The following BFSP1 variants were observed in gnomAD, a reference collection of about 807,000 sequenced individuals.
BFSP1 encodes filensin.
In BFSP1, 38 loss-of-function variants were observed where a neutral mutation model predicts 43.9. The observed-to-expected ratio is 0.87, with a 90% confidence interval of 0.67 to 1.14. BFSP1 has a LOEUF of 1.14. BFSP1 is among the 50% of genes most tolerant of loss of function. The probability of loss-of-function intolerance (pLI) is 0.00; values close to 1 mark genes in which losing one functional copy is unlikely to be tolerated. For synonymous variants in BFSP1, 352 were observed against 354.8 expected, an observed-to-expected ratio of 0.99 and a Z score of 0.09; for missense variants, 850 against 875.1, an observed-to-expected ratio of 0.97 and a Z score of 0.36.
In BFSP1 at chr20:17,498,801, G is replaced by T. The variant is rs2123457189; in HGVS notation, c.956+19C>A. On this transcript the variant is annotated intron_variant, in intron 6 of 7. Transcript: ENST00000377873. ...TGTGGAAGGAATAAGTGGCCTGGAT[G>T]GGGAGGGCACACGCTCACCTGTTGC... 6.2e-7 allele frequency: 1 copy of T among 1,608,940 alleles called. No homozygotes were observed. Among genetic ancestry groups the T allele is most frequent in the South Asian group, 1.1e-5 (1 of 90,466 alleles).
At chr20:17,503,735 G>A (rs1439564446) in intron 5 of BFSP1, among the ~76,000 whole-genome samples, 1 of 152,146 alleles carries the variant, frequency 6.6e-6, no homozygotes, top group East Asian at 1.9e-4. Context: ...GCACACACGT[G>A]CGTGCACACA....
chr20:17,530,125 GA>G (rs1250705163), intron 1 of BFSP1, among the ~76,000 whole-genome samples: 3 of 152,172 alleles, frequency 2.0e-5, no homozygotes, highest in Admixed American at 2.0e-4. Context: ...GTGGGCCCAA[GA>G]ATCTGTATTT....
upstream of BFSP1, among the ~76,000 whole-genome samples, chr20:17,536,190 G>A (rs2034625908): frequency 6.6e-6 from 1 of 152,214 alleles, no homozygotes; most frequent in Non-Finnish European, 1.5e-5. Context: ...AATTTTAGCA[G>A]TACAAAAATA....
rs577672397 is a variant in BFSP1, at chr20:17,529,090, T to TGTGA, written c.377+1862_377+1863insTCAC. Among the ~76,000 whole-genome samples the TGTGA allele has an allele frequency of 3.7e-3, 567 of 151,610 alleles. 1 individual carries two copies. Among genetic ancestry groups the TGTGA allele is most frequent in the Non-Finnish European group, 6.2e-3 (420 of 67,940 alleles). On this transcript the variant is annotated intron_variant, in intron 1 of 7. Coordinates refer to ENST00000377873, the MANE Select transcript of BFSP1 (RefSeq NM_001195.5). ...GTGTGTGTGTGTGTGTGTGTGTGTGTGAGACAGAGTCTCACTCTGTCACCC... is the reference window on the plus strand; with the variant it reads ...GTGTGTGTGTGTGTGTGTGTGTGTGTGTGAGAGACAGAGTCTCACTCTGTCACCC...
upstream of BFSP1, among the ~76,000 whole-genome samples, chr20:17,534,749 G>A (rs1007163348): frequency 1.3e-5 from 2 of 152,230 alleles, no homozygotes; most frequent in Non-Finnish European, 2.9e-5. Context: ...GCCGAGTGTG[G>A]TGGCTCATGC....
Position 17,514,830 on chromosome 20 carries a change from C to A in BFSP1, c.439-14G>T. The A allele has an allele frequency of 1.2e-6, 2 of 1,611,994 alleles. No homozygotes were observed. The highest frequency in any genetic ancestry group is 1.7e-6 in the Non-Finnish European group (2 of 1,178,892). Reference sequence around the variant, plus strand: ...TTCATCAGCTTCCTGCAATGAGAGCCACATATCCCTGGCCACAGGCACCAT... The same window carrying A: ...TTCATCAGCTTCCTGCAATGAGAGCAACATATCCCTGGCCACAGGCACCAT... On this transcript the variant is annotated splice_polypyrimidine_tract_variant and intron_variant, in intron 2 of 7. Transcript: ENST00000377873.
At chr20:17,555,594 A>G (rs2034977972) in intron 1 of BFSP1, among the ~76,000 whole-genome samples, 1 of 152,224 alleles carries the variant, frequency 6.6e-6, no homozygotes. Flanking sequence ...CAGAGGTTGC[A>G]GTAAGCTGAG....
chr20:17,558,592 A>G lies in BFSP1; in HGVS notation c.2+96T>C. ...AACAAATGTGCAACCCGCTTGCTGT[A>G]CCTTCTACGGGAGTTTCTTTCCTAG... On this transcript the variant is annotated intron_variant, in intron 1 of 7. Coordinates refer to the BFSP1 transcript ENST00000377868. The G allele has an allele frequency of 5.2e-6, 7 of 1,344,460 alleles. No individual in the cohort carries two copies. The South Asian group carries it at 9.3e-5, about 18-fold the overall frequency. The allele number at this position is 1,344,460 out of a possible 1,614,324, so 83.3% of individuals were successfully genotyped here. A position where few individuals can be genotyped will look rare whatever the true frequency, so the allele number is the denominator to read the frequency against.
intron 1 of BFSP1, among the ~76,000 whole-genome samples, chr20:17,530,080 T>C (rs1383864081): frequency 6.6e-6 from 1 of 152,174 alleles, no homozygotes; most frequent in African/African-American, 2.4e-5. Context: ...CTGGGGAGCT[T>C]GTTAAAATGC....
In BFSP1 at chr20:17,510,447, T is replaced by C. The variant is rs147539444; in HGVS notation, c.628-1451A>G. 1.4e-3 allele frequency among the ~76,000 whole-genome samples: 217 copies of C among 152,330 alleles called. 1 individual carries two copies. Among genetic ancestry groups the C allele is most frequent in the African/African-American group, 4.3e-3 (179 of 41,578 alleles). ...GAAAATTAAGGCTTCAGGAAAAGTTTTTTTAGGCCTTTGTAGCAACATCAG... is the reference window on the plus strand; with the variant it reads ...GAAAATTAAGGCTTCAGGAAAAGTTCTTTTAGGCCTTTGTAGCAACATCAG... On this transcript the variant is annotated intron_variant, in intron 4 of 7. Coordinates refer to ENST00000377873, the MANE Select transcript of BFSP1 (RefSeq NM_001195.5).
chr20:17,563,482 AG>A (rs2035087078), upstream of BFSP1, among the ~76,000 whole-genome samples: 1 of 151,286 alleles, frequency 6.6e-6, no homozygotes, highest in East Asian at 2.0e-4. Flanking sequence ...CGGAGTAGCT[AG>A]GACTACAGGC....
In BFSP1 at chr20:17,494,552, T is replaced by C; in HGVS notation, c.1520A>G (p.Asp507Gly). 6.2e-7 allele frequency: 1 copy of C among 1,614,198 alleles called. No homozygotes were observed. The highest frequency in any genetic ancestry group is 8.5e-7 in the Non-Finnish European group (1 of 1,180,040). The change falls in exon 8 of 8, where the codon GAC (aspartate) becomes GGC (glycine). Residue 507 changes from aspartate to glycine, a missense_variant. Transcript: ENST00000377873. ...CTCAGGAGAGGGCTCCACCTGGCCG[T>C]CATAAAGCACAGAGTCTTCCGCAAC... ...VSVAEDSVLY[D>G]GQVEPSPESP...
In BFSP1 at chr20:17,494,737, G is replaced by A; in HGVS notation, c.1335C>T (p.Tyr445=). Residue 445 remains tyrosine (Y), a synonymous_variant, in exon 8 of 8, where the codon TAC becomes TAT. Coordinates refer to ENST00000377873, the MANE Select transcript of BFSP1 (RefSeq NM_001195.5). ...GQISKGFGKL[Y]RKVKEKVRSP... Reference sequence around the variant, plus strand: ...TTCTCACTTTCTCCTTGACCTTCCTGTATAGTTTCCCAAAGCCTTTGCTTA... The same window carrying A: ...TTCTCACTTTCTCCTTGACCTTCCTATATAGTTTCCCAAAGCCTTTGCTTA... 6.2e-7 allele frequency: 1 copy of A among 1,614,116 alleles called. No individual in the cohort carries two copies. The highest frequency in any genetic ancestry group is 8.5e-7 in the Non-Finnish European group (1 of 1,180,024).
At chr20:17,501,007 C>A (rs1309077265) in intron 5 of BFSP1, among the ~76,000 whole-genome samples, 2 of 152,174 alleles carry the variant, frequency 1.3e-5, no homozygotes, top group African/African-American at 4.8e-5. Context: ...GGATGGGGGG[C>A]CGGAGACTCC....
chr20:17,557,856 G>A (rs1010344750), intron 1 of BFSP1, among the ~76,000 whole-genome samples: 2 of 152,166 alleles, frequency 1.3e-5, no homozygotes, highest in African/African-American at 2.4e-5. Flanking sequence ...GATCCAAGCT[G>A]CTCACTCCCA....
At chr20:17,503,982 G>A (rs1055499010) in intron 5 of BFSP1, among the ~76,000 whole-genome samples, 3 of 152,238 alleles carry the variant, frequency 2.0e-5, no homozygotes, top group African/African-American at 7.2e-5. Context: ...CAAGTGGAGT[G>A]CAATCTTTTT....
rs188282804 is a variant in BFSP1, at chr20:17,504,522, G to A, written c.735+4367C>T. ...AGTCCAGCAGGGGAGGCACGCCCAG[G>A]GCATCTCAGAGGAAGAAAGGGGCTT... On this transcript the variant is annotated intron_variant, in intron 5 of 7. Transcript: ENST00000377873. Among the ~76,000 whole-genome samples, 374 of 152,244 alleles carry A rather than the reference G, an allele frequency of 2.5e-3. 10 individuals carry two copies. The highest frequency in any genetic ancestry group is 0.021 in the Admixed American group (317 of 15,296).
intron 4 of BFSP1, 109 bp downstream of exon 4, chr20:17,511,867 T>A: frequency 1.2e-6 from 1 of 814,154 alleles, no homozygotes; most frequent in Non-Finnish European, 2.0e-6. Context: ...GAGTGGGGAG[T>A]GGACCCTGGT....
intron 1 of BFSP1, among the ~76,000 whole-genome samples, chr20:17,526,495 T>C (rs2034427360): frequency 6.6e-6 from 1 of 152,228 alleles, no homozygotes; most frequent in African/African-American, 2.4e-5. Context: ...GTAGCATATG[T>C]CAGAATTACC....
Sources: allele counts gnomAD v4.1 joint callset (sites outside exome capture counted in the v4.1 genomes callset), GRCh38; gene constraint gnomAD v4.1.1; transcripts MANE v1.5; gene names NCBI Gene and HGNC (gene_info 2026-07-23, HGNC 2026-07-21).